AMD1: variants seen among roughly 807,000 people sequenced by gnomAD.
AMD1 encodes the protein adenosylmethionine decarboxylase 1, also known as S-adenosylmethionine decarboxylase proenzyme.
AMD1 carries 11 observed loss-of-function variants against 40.2 expected under a neutral mutation model. That is an observed-to-expected ratio of 0.27 (90% CI 0.17 to 0.45). The LOEUF (loss-of-function observed/expected upper bound fraction) is 0.45, where lower values mean the gene tolerates loss of function less well. Among genes scored for constraint, AMD1 ranks in the 20% least tolerant of loss-of-function variants. The probability of loss-of-function intolerance (pLI) is 1.00; values close to 1 mark genes in which losing one functional copy is unlikely to be tolerated. For synonymous variants in AMD1, 121 were observed against 130.8 expected, an observed-to-expected ratio of 0.93 and a Z score of 0.51; for missense variants, 257 against 410.2, an observed-to-expected ratio of 0.63 and a Z score of 3.23.
chr6:110,858,118 A>G, the AMD1 span: 20 of 521,064 alleles, frequency 3.8e-5, no homozygotes, highest in Non-Finnish European at 6.8e-5. Context: ...TGCTGGGATT[A>G]CAACTGTGAG....
the AMD1 span, chr6:110,815,076 C>T: frequency 1.2e-6 from 2 of 1,604,588 alleles, no homozygotes; most frequent in Non-Finnish European, 1.7e-6. Flanking sequence ...CCTTCGTACT[C>T]AAACAAATCC....
chr6:110,836,012 CAAAAAAAAA>C, the AMD1 span, among the ~76,000 whole-genome samples: 3 of 60,750 alleles, frequency 4.9e-5, no homozygotes, highest in Non-Finnish European at 9.7e-5. Flanking sequence ...GACCTTGACT[CAAAAAAAAA>C]AAAAAAAAAA....
At chr6:110,870,357 G>A (rs928056651), upstream of AMD1, among the ~76,000 whole-genome samples, 1 of 152,176 alleles carries the variant, frequency 6.6e-6, no homozygotes, top group Non-Finnish European at 1.5e-5. Flanking sequence ...AGGTGTGGTG[G>A]CTCACACTTG....
At chr6:110,846,235 AAACAAC>A in the AMD1 span, among the ~76,000 whole-genome samples, 7 of 151,926 alleles carry the variant, frequency 4.6e-5, no homozygotes, top group South Asian at 2.1e-4. Flanking sequence ...TGACTGTCTC[AAACAAC>A]AACAACAACA....
chr6:110,818,150 A>C, the AMD1 span, among the ~76,000 whole-genome samples: 106 of 152,336 alleles, frequency 7.0e-4, no homozygotes, highest in African/African-American at 2.5e-3. Context: ...TCGACCTAAA[A>C]GGAAAAAGCT....
chr6:110,844,052 A>T, the AMD1 span, among the ~76,000 whole-genome samples: 1 of 152,006 alleles, frequency 6.6e-6, no homozygotes, highest in Non-Finnish European at 1.5e-5. Context: ...TAGGACATTG[A>T]TATGTTTAAG....
the AMD1 span, among the ~76,000 whole-genome samples, chr6:110,842,138 C>T: frequency 6.6e-6 from 1 of 152,112 alleles, no homozygotes; most frequent in African/African-American, 2.4e-5. Context: ...GGTTCATAGC[C>T]CAGACTCAAA....
At chr6:110,871,078 G>A (rs1399797217), upstream of AMD1, among the ~76,000 whole-genome samples, 2 of 152,146 alleles carry the variant, frequency 1.3e-5, no homozygotes, top group Non-Finnish European at 2.9e-5. Flanking sequence ...AGGTCAGTAC[G>A]GATGGAGTAC....
chr6:110,878,882 G>C (rs1257514923), intron 1 of AMD1, among the ~76,000 whole-genome samples: 1 of 152,080 alleles, frequency 6.6e-6, no homozygotes, highest in Non-Finnish European at 1.5e-5. Flanking sequence ...TCATACCTCA[G>C]CTTAACTTTC....
upstream of AMD1, among the ~76,000 whole-genome samples, chr6:110,872,505 AG>A (rs1256089553): frequency 2.0e-5 from 3 of 152,226 alleles, no homozygotes; most frequent in African/African-American, 7.2e-5. Context: ...CACTCTTGAT[AG>A]AAATGGGGCT....
At chr6:110,863,786 A>C in the AMD1 span, 1 of 299,910 alleles carries the variant, frequency 3.3e-6, no homozygotes, top group African/African-American at 2.2e-5. Context: ...ATAACACTTG[A>C]CTTAAAAACT....
At chr6:110,829,476 G>A in the AMD1 span, among the ~76,000 whole-genome samples, 2 of 151,484 alleles carry the variant, frequency 1.3e-5, no homozygotes, top group Admixed American at 1.3e-4. Context: ...TCAGGAGATC[G>A]AGACCATCCT....
rs1317166266 is a variant in AMD1, at chr6:110,893,393, TAA to T, written c.865-80_865-79del. The T allele has an allele frequency of 1.9e-5, 30 of 1,549,520 alleles. No homozygotes were observed. In the African/African-American group the frequency reaches 4.0e-4, roughly 21 times the overall value. ...CTCAGATGTCTTAGTTTCATTAAGA[TAA>T]AAGTCTGTCACTTAACTGTTTTGGT... is the stretch of plus-strand genomic sequence containing the variant. On this transcript the variant is annotated intron_variant, in intron 8 of 8. Coordinates refer to ENST00000368885, the MANE Select transcript of AMD1 (RefSeq NM_001634.6).
chr6:110,828,147 C>CTT, the AMD1 span, among the ~76,000 whole-genome samples: 1 of 152,060 alleles, frequency 6.6e-6, no homozygotes, highest in African/African-American at 2.4e-5. Flanking sequence ...AAAAGAGAGG[C>CTT]TGGCCAGGCC....
chr6:110,850,856 C>T, the AMD1 span, among the ~76,000 whole-genome samples: 25 of 152,112 alleles, frequency 1.6e-4, no homozygotes, highest in Middle Eastern at 3.4e-3. Context: ...CATCTTGGTT[C>T]TAGTTCTATT....
chr6:110,887,129 CTTCTT>C (rs1785739429), intron 1 of AMD1, among the ~76,000 whole-genome samples: 1 of 151,056 alleles, frequency 6.6e-6, no homozygotes, highest in Non-Finnish European at 1.5e-5. Context: ...AAATTATGCT[CTTCTT>C]TTTTTTTAAG....
intron 1 of AMD1, among the ~76,000 whole-genome samples, chr6:110,878,530 C>A (rs1461097186): frequency 6.6e-6 from 1 of 152,106 alleles, no homozygotes; most frequent in Non-Finnish European, 1.5e-5. Context: ...CCAGGTATAT[C>A]CAGATGAATA....
At chr6:110,864,383 A>C in the AMD1 span, 1 of 153,098 alleles carries the variant, frequency 6.5e-6, no homozygotes, top group Non-Finnish European at 1.5e-5. Flanking sequence ...AGGAAGAACT[A>C]ATTCCTCAGT....
the AMD1 span, chr6:110,858,291 T>C: frequency 3.2e-6 from 3 of 939,530 alleles, no homozygotes; most frequent in Non-Finnish European, 5.1e-6. Flanking sequence ...TCAGCCGAGA[T>C]CAAGAACCGG....
Sources: gnomAD v4.1 joint callset for allele counts (sites outside exome capture counted in the v4.1 genomes callset) on GRCh38, gnomAD v4.1.1 for gene constraint, MANE v1.5 for transcripts, NCBI Gene and HGNC (gene_info 2026-07-23, HGNC 2026-07-21) for gene names.